The following IGSF11 variants were observed in gnomAD, a reference collection of about 807,000 sequenced individuals.
The protein encoded by IGSF11 is immunoglobulin superfamily member 11, also known as CXADR like 1.
A neutral mutation model predicts 41.0 loss-of-function variants in IGSF11; 22 were observed. The ratio of observed to expected loss-of-function variants is 0.54; its 90% CI spans 0.38 to 0.77. The LOEUF (loss-of-function observed/expected upper bound fraction) is 0.77, where lower values mean the gene tolerates loss of function less well. Among genes scored for constraint, IGSF11 ranks in the 30% least tolerant of loss-of-function variants. IGSF11 has a pLI of 0.00. For missense variants in IGSF11, 444 were observed against 530.8 expected, an observed-to-expected ratio of 0.84 and a Z score of 1.61; for synonymous variants, 219 against 201.3, an observed-to-expected ratio of 1.09 and a Z score of -0.74.
chr3:119,010,138 T>C (rs949254536), intron 1 of IGSF11, among the ~76,000 whole-genome samples: 7 of 152,130 alleles, frequency 4.6e-5, no homozygotes, highest in African/African-American at 1.7e-4. Flanking sequence ...AAGTGTCAAT[T>C]TGTTTTCCTT....
chr3:119,097,957 ATTTTTTTTTTT>A (rs377746200), intron 1 of IGSF11, among the ~76,000 whole-genome samples: 31 of 58,362 alleles, frequency 5.3e-4, no homozygotes, highest in South Asian at 2.2e-3. Context: ...CATTCAGCTA[ATTTTTTTTTTT>A]TTTTTTTTTT....
chr3:119,044,168 G>C (rs549903749), intron 1 of IGSF11, among the ~76,000 whole-genome samples: 1 of 152,012 alleles, frequency 6.6e-6, no homozygotes, highest in African/African-American at 2.4e-5. Context: ...AACAACACAG[G>C]ATATGGATGA....
At chr3:118,905,568 G>A in intron 5 of IGSF11, 28 bp downstream of exon 5, 2 of 1,612,886 alleles carry the variant, frequency 1.2e-6, no homozygotes, top group Non-Finnish European at 1.7e-6. Context: ...CAGACCCATG[G>A]TTGACATCAG....
intron 1 of IGSF11, among the ~76,000 whole-genome samples, chr3:119,087,029 C>A (rs2076687030): frequency 6.6e-6 from 1 of 152,112 alleles, no homozygotes; most frequent in Admixed American, 6.6e-5. Flanking sequence ...TAATGACACC[C>A]ACAGGCTCAA....
At position 118,959,977 on chromosome 3, in the gene IGSF11, G is replaced by A. The variant is rs1472401975; in HGVS notation, c.53-29702C>T. Among the ~76,000 whole-genome samples, 8 of 151,880 alleles carry A rather than the reference G, an allele frequency of 5.3e-5. No homozygotes were observed. The South Asian group carries it at 8.3e-4, about 16-fold the overall frequency. ...GGAGAATGGCGTGAAGCTGGGAGGC[G>A]GAGCTTGCAGTGAGCGGAGATCGCG... On this transcript the variant is annotated intron_variant, in intron 1 of 6. Transcript: ENST00000393775.
chr3:119,012,978 C>T (rs1334696061), intron 1 of IGSF11: 1 of 152,402 alleles, frequency 6.6e-6, no homozygotes, highest in African/African-American at 2.4e-5. Context: ...GGCCCCATCT[C>T]CAGCCTCTGC....
chr3:119,134,107 C>T (rs2077522576), intron 1 of IGSF11, among the ~76,000 whole-genome samples: 1 of 152,158 alleles, frequency 6.6e-6, no homozygotes, highest in Admixed American at 6.5e-5. Context: ...TAGCGAATAT[C>T]ATACTGAATG....
rs117340111 is a variant in IGSF11 at position 118,921,150 on chromosome 3, T to C, written c.580+4951A>G. Among the ~76,000 whole-genome samples the C allele has an allele frequency of 3.3e-5, 5 of 152,344 alleles. No individual in the cohort carries two copies. The East Asian group carries it at 9.6e-4, about 29-fold the overall frequency. On this transcript the variant is annotated intron_variant, in intron 4 of 6. Transcript: ENST00000393775. ...TAATCTGTCTTACCCTGATCTAATT[T>C]TTCCCCACAGAACTTTTCACCTTGT...
chr3:118,956,273 C>G (rs956928516), intron 1 of IGSF11, among the ~76,000 whole-genome samples: 1 of 152,204 alleles, frequency 6.6e-6, no homozygotes, highest in South Asian at 2.1e-4. Flanking sequence ...CTGTTTCACT[C>G]TCTTATAAGT....
intron 1 of IGSF11, among the ~76,000 whole-genome samples, chr3:118,980,892 A>G (rs1160871013): frequency 2.0e-5 from 3 of 152,314 alleles, no homozygotes; most frequent in African/African-American, 4.8e-5. Context: ...CTTCACAATG[A>G]GTCAACCTAA....
At chr3:118,914,640 G>C (rs1441426233) in intron 4 of IGSF11, among the ~76,000 whole-genome samples, 3 of 148,250 alleles carry the variant, frequency 2.0e-5, no homozygotes, top group Non-Finnish European at 4.5e-5. Flanking sequence ...TAGCACAGCA[G>C]TCTGAGATCA....
intron 1 of IGSF11, among the ~76,000 whole-genome samples, chr3:118,960,793 T>C (rs1247935641): frequency 2.0e-5 from 3 of 152,204 alleles, no homozygotes; most frequent in Non-Finnish European, 4.4e-5. Context: ...TGTGGTAACA[T>C]ATTACAAATT....
intron 1 of IGSF11, among the ~76,000 whole-genome samples, chr3:118,977,775 C>T (rs930050518): frequency 2.6e-5 from 4 of 152,100 alleles, no homozygotes; most frequent in African/African-American, 7.2e-5. Context: ...AGAAACCACA[C>T]GAAGGCACTG....
chr3:119,024,025 C>T (rs1407669119), intron 1 of IGSF11, among the ~76,000 whole-genome samples: 3 of 152,132 alleles, frequency 2.0e-5, no homozygotes, highest in African/African-American at 7.2e-5. Context: ...TCTAAGAGAC[C>T]TTACTTGTCC....
At chr3:119,022,252 G>A (rs1373311072) in intron 1 of IGSF11, among the ~76,000 whole-genome samples, 1 of 152,172 alleles carries the variant, frequency 6.6e-6, no homozygotes, top group East Asian at 1.9e-4. Context: ...ATAAGAAGTA[G>A]ATTAGAGGTT....
intron 3 of IGSF11, among the ~76,000 whole-genome samples, chr3:118,927,527 TTC>T (rs796563712): frequency 5.2e-4 from 79 of 152,296 alleles, no homozygotes; most frequent in African/African-American, 1.9e-3. Flanking sequence ...AGTTTTTTTA[TTC>T]TGTTTGAAGG....
chr3:119,033,548 G>T (rs35860), intron 1 of IGSF11, among the ~76,000 whole-genome samples: 121,233 of 152,222 alleles, frequency 0.8, 48,578 homozygotes, highest in African/African-American at 0.89. Flanking sequence ...ATCTGCACAA[G>T]TTAAGTTGGC....
intron 1 of IGSF11, among the ~76,000 whole-genome samples, chr3:118,972,748 T>A (rs1376000804): frequency 6.6e-6 from 1 of 152,212 alleles, no homozygotes; most frequent in Non-Finnish European, 1.5e-5. Context: ...TTCAGATATG[T>A]AGCCCAGGGT....
At chr3:118,904,583 G>T in intron 6 of IGSF11, 65 bp downstream of exon 6, 1 of 1,176,188 alleles carries the variant, frequency 8.5e-7, no homozygotes, top group Non-Finnish European at 1.2e-6. Flanking sequence ...TATCTTAACT[G>T]ACACAAATGA....
Sources: gnomAD v4.1 joint callset for allele counts (sites outside exome capture counted in the v4.1 genomes callset) on GRCh38, gnomAD v4.1.1 for gene constraint, MANE v1.5 for transcripts, NCBI Gene and HGNC (gene_info 2026-07-23, HGNC 2026-07-21) for gene names.